Variants in SIK2 observed in about 807,000 individuals in gnomAD.
The protein encoded by SIK2 is serine/threonine-protein kinase SIK2.
A neutral mutation model predicts 103.2 loss-of-function variants in SIK2; 29 were observed. The ratio of observed to expected loss-of-function variants is 0.28; its 90% CI spans 0.21 to 0.38. The LOEUF (loss-of-function observed/expected upper bound fraction) is 0.38, where lower values mean the gene tolerates loss of function less well. Among genes scored for constraint, SIK2 ranks in the 10% least tolerant of loss-of-function variants. SIK2 has a pLI of 1.00. For synonymous variants in SIK2, 412 were observed against 446.1 expected (o/e 0.92, Z 0.96); for missense variants, 879 against 1,171.0 (o/e 0.75, Z 3.64).
At chr11:111,717,850 A>G (rs1172306750) in intron 9 of SIK2, among the ~76,000 whole-genome samples, 3 of 152,148 alleles carry the variant, frequency 2.0e-5, no homozygotes, top group African/African-American at 7.2e-5. Context: ...CAAACACCAC[A>G]TGTTCTCACG....
chr11:111,627,945 A>C (rs1340215988), intron 3 of SIK2, among the ~76,000 whole-genome samples: 2 of 152,122 alleles, frequency 1.3e-5, no homozygotes, highest in Non-Finnish European at 2.9e-5. Context: ...ATGTTTTACC[A>C]TTCTCTCTTT....
Position 111,602,548 on chromosome 11 carries a change from A to G in SIK2, c.-16A>G, listed in dbSNP as rs1941596996. On this transcript the variant is annotated 5_prime_UTR_variant, in exon 1 of 15. Coordinates refer to ENST00000304987, the MANE Select transcript of SIK2 (RefSeq NM_015191.3). The surrounding 1 kb of genome is among the most constrained non-coding windows in gnomAD (Gnocchi z 4.5). ...GCCCGCGCTCCTGTCCGCCGTGTCTAGCAGCGGGGCCCAGCATGGTCATGG... is the reference window on the plus strand; with the variant it reads ...GCCCGCGCTCCTGTCCGCCGTGTCTGGCAGCGGGGCCCAGCATGGTCATGG... 3.3e-6 allele frequency: 5 copies of G among 1,500,002 alleles called. No individual in the cohort carries two copies. The highest frequency in any genetic ancestry group is 1.5e-5 in the African/African-American group (1 of 68,682). The allele number at this position is 1,500,002 out of a possible 1,614,324, so 92.9% of individuals were successfully genotyped here.
intron 3 of SIK2, among the ~76,000 whole-genome samples, chr11:111,677,341 C>T (rs1047504142): frequency 6.6e-6 from 1 of 152,164 alleles, no homozygotes; most frequent in Non-Finnish European, 1.5e-5. Flanking sequence ...GACAGTATCT[C>T]ATCTTGTCTG....
Position 111,602,537 on chromosome 11 carries a change from C to T in SIK2, c.-27C>T. On this transcript the variant is annotated 5_prime_UTR_variant, in exon 1 of 15. Transcript: ENST00000304987. This position sits in a 1 kb window ranked among gnomAD's most constrained non-coding sequence, Gnocchi z 4.5. ...CCCTCCCGCCCGCCCGCGCTCCTGT[C>T]CGCCGTGTCTAGCAGCGGGGCCCAG... The T allele has an allele frequency of 6.8e-7, 1 of 1,480,042 alleles. No individual in the cohort carries two copies. The highest frequency in any genetic ancestry group is 9.0e-7 in the Non-Finnish European group (1 of 1,115,682). 91.7% of individuals were successfully genotyped at this position (1,480,042 alleles called of 1,614,324 possible).
chr11:111,700,286 T>C (rs1462891115), intron 4 of SIK2, among the ~76,000 whole-genome samples: 2 of 152,194 alleles, frequency 1.3e-5, no homozygotes, highest in African/African-American at 4.8e-5. Context: ...GTGATGGTGA[T>C]AGGTGGCTTG....
At position 111,724,065 on chromosome 11, in the gene SIK2, T is replaced by C; in HGVS notation, c.2717T>C (p.Leu906Pro). 6.2e-7 allele frequency: 1 copy of C among 1,614,022 alleles called. No individual in the cohort carries two copies. The highest frequency in any genetic ancestry group is 8.5e-7 in the Non-Finnish European group (1 of 1,180,046). The change falls in exon 15 of 15, where the codon CTC becomes CCC. Residue 906 changes from leucine to proline, a missense_variant. Leu to Pro is a moderately conservative substitution (Grantham distance 98). This residue lies in a region of SIK2 where 375 missense variants were observed against 416.3 expected (regional missense o/e 0.90). Transcript: ENST00000304987. ...CTAGCCCTCTCTGAGCTACCTGGACTCTTTGATTGTGAAATGCTAGACGCT... is the reference window on the plus strand; with the variant it reads ...CTAGCCCTCTCTGAGCTACCTGGACCCTTTGATTGTGAAATGCTAGACGCT... ...DPLALSELPG[L>P]FDCEMLDAVD...
intron 3 of SIK2, among the ~76,000 whole-genome samples, chr11:111,645,704 A>G (rs559865084): frequency 6.6e-6 from 1 of 151,644 alleles, no homozygotes; most frequent in Admixed American, 6.6e-5. Context: ...AATCCCAGCT[A>G]CTTGAGAGGC....
chr11:111,657,360 AT>A (rs1156551760), intron 3 of SIK2, among the ~76,000 whole-genome samples: 6 of 152,076 alleles, frequency 3.9e-5, no homozygotes, highest in Non-Finnish European at 8.8e-5. Flanking sequence ...GATTTTATTA[AT>A]TAGAATATAC....
chr11:111,611,143 G>A (rs1198702232), intron 1 of SIK2, among the ~76,000 whole-genome samples: 1 of 151,514 alleles, frequency 6.6e-6, no homozygotes, highest in African/African-American at 2.4e-5. Flanking sequence ...CAGCTTCTTG[G>A]GAGGCTGAGG....
At chr11:111,712,100 A>C in intron 8 of SIK2, 111 bp from the exon 9 acceptor site, 1 of 1,142,048 alleles carries the variant, frequency 8.8e-7, no homozygotes. Context: ...CCAATAAATA[A>C]ATATTCATTC....
At chr11:111,611,494 A>C (rs1941726032) in intron 1 of SIK2, among the ~76,000 whole-genome samples, 1 of 152,182 alleles carries the variant, frequency 6.6e-6, no homozygotes, top group African/African-American at 2.4e-5. Flanking sequence ...AAATATAATA[A>C]GTGAAAATGG....
intron 4 of SIK2, among the ~76,000 whole-genome samples, chr11:111,700,600 G>C (rs1943190776): frequency 6.6e-6 from 1 of 152,112 alleles, no homozygotes; most frequent in South Asian, 2.1e-4. Context: ...CCACTTTAAG[G>C]CTGATTTTCT....
chr11:111,661,124 T>C, intron 3 of SIK2, among the ~76,000 whole-genome samples: 1 of 152,176 alleles, frequency 6.6e-6, no homozygotes, highest in East Asian at 1.9e-4. Context: ...ATACTCTTTC[T>C]CTTTGCTTGG....
intron 4 of SIK2, among the ~76,000 whole-genome samples, chr11:111,691,166 A>C (rs1312529051): frequency 2.0e-5 from 3 of 152,090 alleles, no homozygotes; most frequent in Non-Finnish European, 2.9e-5. Flanking sequence ...AGTGTTTCTG[A>C]TGTCATTGTG....
intron 3 of SIK2, 78 bp from the exon 4 acceptor site, chr11:111,687,923 G>A (rs545249269): frequency 6.5e-7 from 1 of 1,538,400 alleles, no homozygotes; most frequent in South Asian, 1.2e-5. Flanking sequence ...AACTTTTTGA[G>A]GAAAAAAATT....
chr11:111,635,767 C>T, intron 3 of SIK2, among the ~76,000 whole-genome samples: 1 of 152,220 alleles, frequency 6.6e-6, no homozygotes, highest in East Asian at 1.9e-4. Flanking sequence ...TTTCAGCTAT[C>T]TCCTGCTGAT....
intron 14 of SIK2, among the ~76,000 whole-genome samples, 169 bp from the exon 15 acceptor site, chr11:111,723,327 G>A (rs142084650): frequency 6.6e-5 from 10 of 152,330 alleles, no homozygotes; most frequent in African/African-American, 1.9e-4. Context: ...CAAAACATGA[G>A]ATTAGGTTTA....
intron 3 of SIK2, among the ~76,000 whole-genome samples, chr11:111,658,336 G>T (rs1448257669): frequency 6.6e-6 from 1 of 151,940 alleles, no homozygotes; most frequent in African/African-American, 2.4e-5. Flanking sequence ...TATTGGCCAG[G>T]CTGGTCTCAA....
chr11:111,715,793 CTTTTTTTTTTTTTTT>C (rs535843069), intron 9 of SIK2, among the ~76,000 whole-genome samples: 1 of 81,580 alleles, frequency 1.2e-5, no homozygotes, highest in African/African-American at 4.9e-5. Context: ...TCATTTTTAG[CTTTTTTTTTTTTTTT>C]TTTTTTTTTT....
Sources: allele counts gnomAD v4.1 joint callset (sites outside exome capture counted in the v4.1 genomes callset), GRCh38; gene constraint gnomAD v4.1.1; regional missense constraint gnomAD v4.1.1; non-coding constraint Gnocchi (gnomAD v3.1); transcripts MANE v1.5; gene names NCBI Gene and HGNC (gene_info 2026-07-23, HGNC 2026-07-21).